The following REXO5 variants were observed in gnomAD, a reference collection of about 807,000 sequenced individuals.
REXO5 encodes the protein RNA exonuclease 5.
REXO5 carries 48 observed loss-of-function variants against 88.5 expected under a neutral mutation model. That is an observed-to-expected ratio of 0.54 (90% CI 0.43 to 0.69). The LOEUF (loss-of-function observed/expected upper bound fraction) is 0.69, where lower values mean the gene tolerates loss of function less well. REXO5 is among the 30% of genes least tolerant of loss of function. The probability of loss-of-function intolerance (pLI) is 0.00; values close to 1 mark genes in which losing one functional copy is unlikely to be tolerated. For synonymous variants in REXO5, 311 were observed against 336.5 expected, an observed-to-expected ratio of 0.92 and a Z score of 0.83; for missense variants, 749 against 912.2, an observed-to-expected ratio of 0.82 and a Z score of 2.30.
In REXO5 at chr16:20,813,338, C is replaced by A. The variant is rs771000898; in HGVS notation, c.251+36C>A. 3.2e-5 allele frequency: 26 copies of A among 823,018 alleles called. No individual in the cohort carries two copies. The South Asian group carries it at 3.2e-4, about 10-fold the overall frequency. The allele number at this position is 823,018 out of a possible 1,614,324, so 51.0% of individuals were successfully genotyped here. A position where few individuals can be genotyped will look rare whatever the true frequency, so the allele number is the denominator to read the frequency against. On this transcript the variant is annotated intron_variant, in intron 3 of 19. Transcript: ENST00000261377. ...AATTTAAATGGTGGGTATTGACCAGCGGTTTCTTTTTTTTTTTTTTTTTTT... is the reference window on the plus strand; with the variant it reads ...AATTTAAATGGTGGGTATTGACCAGAGGTTTCTTTTTTTTTTTTTTTTTTT...
At chr16:20,813,078 G>A in intron 2 of REXO5, 112 bp from the exon 3 acceptor site, 2 of 739,306 alleles carry the variant, frequency 2.7e-6, no homozygotes, top group Non-Finnish European at 4.8e-6. Context: ...ACTTCCTTAT[G>A]TTAGAATATA....
chr16:20,807,585 G>GA (rs1013842567), intron 2 of REXO5, among the ~76,000 whole-genome samples: 1,167 of 50,432 alleles, frequency 0.023, 15 homozygotes, highest in Admixed American at 0.072. Flanking sequence ...TCACGTCTCA[G>GA]AAAAAAAAAA....
intron 16 of REXO5, among the ~76,000 whole-genome samples, chr16:20,844,361 T>G (rs1284742949): frequency 1.3e-5 from 2 of 152,224 alleles, no homozygotes; most frequent in African/African-American, 4.8e-5. Flanking sequence ...TGAAGTTTCT[T>G]GTGCACATAA....
chr16:20,826,298 A>C (rs529094441), intron 8 of REXO5, among the ~76,000 whole-genome samples: 1 of 151,758 alleles, frequency 6.6e-6, no homozygotes, highest in East Asian at 2.0e-4. Context: ...TTGGCAGTCA[A>C]GTGATGTTAG....
Position 20,839,804 on chromosome 16 carries a change from T to C in REXO5, c.1433T>C (p.Val478Ala), listed in dbSNP as rs2081497994. The C allele has an allele frequency of 1.1e-5, 18 of 1,614,012 alleles. No individual in the cohort carries two copies. The highest frequency in any genetic ancestry group is 1.5e-5 in the Non-Finnish European group (18 of 1,179,886). The change falls in exon 14 of 20, where the codon GTT (valine) becomes GCT (alanine). Residue 478 changes from valine (V) to alanine (A), a missense_variant. Transcript: ENST00000261377. ...VEIPLFPFSI[V>A]QFSFKAFSPV... is the part of the protein sequence containing the mutation. The stretch of plus-strand genomic sequence containing the variant: ...ATCCCCCTGTTTCCCTTCAGCATTG[T>C]TCAGTTCTCTTTTAAGGCCTTTTCA...
rs774093066 is a variant in REXO5, at chr16:20,824,528, G to C, written c.705+1G>C. 3.2e-6 allele frequency: 5 copies of C among 1,583,636 alleles called. No homozygotes were observed. Among genetic ancestry groups the C allele is most frequent in the Admixed American group, 1.7e-5 (1 of 59,488 alleles). On this transcript the variant is annotated splice_donor_variant, in intron 7 of 19. Coordinates refer to ENST00000261377, the MANE Select transcript of REXO5 (RefSeq NM_030941.3). LOFTEE classifies it high-confidence loss of function. ...TCTCTTTGGACTTGACTGTGAAATG[G>C]CACGTACTACTTTTAATTTTTCAAT...
At chr16:20,816,261 G>A (rs750205958) in intron 5 of REXO5, 49 bp downstream of exon 5, 10 of 1,424,960 alleles carry the variant, frequency 7.0e-6, no homozygotes, top group African/African-American at 4.3e-5. Flanking sequence ...AAAAGATACG[G>A]ATATGATTGT....
upstream of REXO5, chr16:20,806,477 G>T (rs1190389826): frequency 2.6e-6 from 4 of 1,549,600 alleles, no homozygotes; most frequent in Non-Finnish European, 3.5e-6. Context: ...GAAGTCGCTC[G>T]ACTTCTACTT....
chr16:20,816,100 G>A lies in REXO5; in HGVS notation c.379-16G>A. ...GTTTTCAACCATTTTTGTAAAACCTGTTAATATATTTTCAGAAATTCCGCT... is the reference window on the plus strand; with the variant it reads ...GTTTTCAACCATTTTTGTAAAACCTATTAATATATTTTCAGAAATTCCGCT... On this transcript the variant is annotated splice_polypyrimidine_tract_variant and intron_variant, in intron 4 of 19. Transcript: ENST00000261377. 6.2e-7 allele frequency: 1 copy of A among 1,610,586 alleles called. No individual in the cohort carries two copies. Among genetic ancestry groups the A allele is most frequent in the Non-Finnish European group, 8.5e-7 (1 of 1,177,160 alleles).
intron 11 of REXO5, 37 bp from the exon 12 acceptor site, chr16:20,832,119 C>T: frequency 7.3e-7 from 1 of 1,367,630 alleles, no homozygotes; most frequent in Non-Finnish European, 1.0e-6. Flanking sequence ...AAATGCTCTG[C>T]AAGCAATTAT....
At position 20,845,373 on chromosome 16, in the gene REXO5, G is replaced by A. The variant is rs2081591640; in HGVS notation, c.2124+132G>A. On this transcript the variant is annotated intron_variant, in intron 18 of 19. Transcript: ENST00000261377. ...CACTCTCCAGCTTCCTCCAGTCCTG[G>A]CCACATCTTTTCTCGCAGATCTCTC... The A allele has an allele frequency of 1.7e-5, 11 of 645,214 alleles. 1 individual carries two copies. The highest frequency in any genetic ancestry group is 2.5e-5 in the Non-Finnish European group (11 of 433,538). 40.0% of individuals were successfully genotyped at this position (645,214 alleles called of 1,614,324 possible). A position where few individuals can be genotyped will look rare whatever the true frequency, so the allele number is the denominator to read the frequency against.
rs952141155 is a variant in REXO5 at position 20,832,628 on chromosome 16, C to G, written c.1262+369C>G. On this transcript the variant is annotated intron_variant, in intron 12 of 19. Coordinates refer to ENST00000261377, the MANE Select transcript of REXO5 (RefSeq NM_030941.3). ...TGTATTGCCCAGACTATGAAAGACACACACACAGACTCAAAAGGGCTTTGT... is the reference window on the plus strand; with the variant it reads ...TGTATTGCCCAGACTATGAAAGACAGACACACAGACTCAAAAGGGCTTTGT... 2.6e-5 allele frequency among the ~76,000 whole-genome samples: 4 copies of G among 152,276 alleles called. No homozygotes were observed. The East Asian group carries it at 7.7e-4, about 29-fold the overall frequency.
At chr16:20,824,042 G>C (rs1214899789) in intron 6 of REXO5, among the ~76,000 whole-genome samples, 1 of 152,122 alleles carries the variant, frequency 6.6e-6, no homozygotes, top group Admixed American at 6.5e-5. Context: ...CCTGTATTTA[G>C]GAAAGAAAGA....
Position 20,828,551 on chromosome 16 carries a change from C to T in REXO5, c.1158+14C>T, listed in dbSNP as rs1336122475. The T allele has an allele frequency of 6.5e-7, 1 of 1,534,606 alleles. No individual in the cohort carries two copies. The highest frequency in any genetic ancestry group is 1.1e-5 in the South Asian group (1 of 89,474). ...GGCCCAAAAAAGGTTAGTATCTTTG[C>T]CCAGTGTGTTCACCTTTTCTTAAAA... On this transcript the variant is annotated intron_variant, in intron 11 of 19. Transcript: ENST00000261377.
rs60249359 is a variant in REXO5 at position 20,834,601 on chromosome 16, C to T, written c.1383+1478C>T. 5.9e-3 allele frequency among the ~76,000 whole-genome samples: 891 copies of T among 152,224 alleles called. 8 individuals are homozygous for T. The highest frequency in any genetic ancestry group is 0.016 in the African/African-American group (660 of 41,528). The stretch of plus-strand genomic sequence containing the variant: ...CACTCCCATTGCATATGTATTAGGC[C>T]GTTTAAAGTTGTCCCATAGCTCACT... On this transcript the variant is annotated intron_variant, in intron 13 of 19. Transcript: ENST00000261377.
At position 20,844,974 on chromosome 16, in the gene REXO5, T is replaced by C. The variant is rs912688473; in HGVS notation, c.1937-80T>C. 1.0e-5 allele frequency: 16 copies of C among 1,567,944 alleles called. No individual in the cohort carries two copies. The Admixed American group carries it at 1.9e-4, about 19-fold the overall frequency. ...GCAGTTCCTGATTCTGTCCTTCTCC[T>C]TTGACCCTGGCCAGGCAGCTTGGAT... is the stretch of plus-strand genomic sequence containing the variant. On this transcript the variant is annotated intron_variant, in intron 17 of 19. Transcript: ENST00000261377.
At chr16:20,836,202 T>A (rs1181398743) in intron 13 of REXO5, among the ~76,000 whole-genome samples, 1 of 152,220 alleles carries the variant, frequency 6.6e-6, no homozygotes, top group Non-Finnish European at 1.5e-5. Context: ...TAGGGTTCTG[T>A]CTTGGTGTTG....
chr16:20,826,342 A>G lies in REXO5; in HGVS notation c.821+394A>G, dbSNP rs2240082. ...CTGCCTTGACCCCCAAAACACAAAC[A>G]AATATTTTTCATAACAGAAATTTGA... On this transcript the variant is annotated intron_variant, in intron 8 of 19. Transcript: ENST00000261377. Among the ~76,000 whole-genome samples, 741 of 152,334 alleles carry G rather than the reference A, an allele frequency of 4.9e-3. 20 individuals carry two copies. The East Asian group carries it at 0.075, about 15-fold the overall frequency.
intron 13 of REXO5, among the ~76,000 whole-genome samples, chr16:20,836,459 G>T (rs1596602757): frequency 6.6e-6 from 1 of 151,778 alleles, no homozygotes; most frequent in African/African-American, 2.4e-5. Context: ...CTGCTTTATA[G>T]TTTTTTTTCC....
Sources: gnomAD v4.1 joint callset for allele counts (sites outside exome capture counted in the v4.1 genomes callset) on GRCh38, gnomAD v4.1.1 for gene constraint, MANE v1.5 for transcripts, NCBI Gene and HGNC (gene_info 2026-07-23, HGNC 2026-07-21) for gene names.